USF1: variants seen among roughly 807,000 people sequenced by gnomAD.
USF1 encodes the protein upstream stimulatory factor 1.
In USF1, 22 loss-of-function variants were observed where a neutral mutation model predicts 46.3. The observed-to-expected ratio is 0.47, with a 90% CI of 0.34 to 0.68. The LOEUF (loss-of-function observed/expected upper bound fraction) is 0.68. Ranked by LOEUF, USF1 falls within the 30% of genes least tolerant of loss-of-function variation. The pLI is 0.01. For missense variants in USF1, 287 were observed against 399.3 expected (o/e 0.72, Z 2.40); for synonymous variants, 150 against 147.0 (o/e 1.02, Z -0.15).
chr1:161,042,839 G>C lies in USF1; in HGVS notation c.52C>G (p.Gln18Glu). ...TTCTGTTTCTAGCACTCACCTTCCTGAATCTGCACTGTCCCCTCTTCCGTT... is the reference window on the plus strand; with the variant it reads ...TTCTGTTTCTAGCACTCACCTTCCTCAATCTGCACTGTCCCCTCTTCCGTT... ...AETEEGTVQIQEGAVATGEDP... is the reference protein window; with the variant it reads ...AETEEGTVQIEEGAVATGEDP... The change falls in exon 3 of 11, where the codon CAG becomes GAG. Residue 18 changes from glutamine (Q) to glutamate (E), a missense_variant. Coordinates refer to ENST00000368021, the MANE Select transcript of USF1 (RefSeq NM_007122.5). 1 of 1,614,194 alleles carries C rather than the reference G, an allele frequency of 6.2e-7. No homozygotes were observed. The highest frequency in any genetic ancestry group is 2.2e-5 in the East Asian group (1 of 44,886).
chr1:161,042,881 G>A lies in USF1; in HGVS notation c.10C>T (p.Gln4Ter). The A allele has an allele frequency of 6.2e-7, 1 of 1,614,196 alleles. No individual in the cohort carries two copies. ...TCTTCCGTTTCAGCTGTTTTCTGCT[G>A]CCTGTTTGTGGTGAAAGGACAAAAG... The part of the protein sequence containing the change: MKG[Q>*]QKTAETEEGT... Residue 4 changes from glutamine (Q) to a stop codon, truncating the protein, a stop_gained and splice_region_variant, in exon 3 of 11, where the codon CAG (glutamine) becomes TAG (stop). Transcript: ENST00000368021. LOFTEE classifies it high-confidence loss of function.
intron 6 of USF1, 84 bp from the exon 7 acceptor site, chr1:161,041,495 TA>T: frequency 6.6e-7 from 1 of 1,510,366 alleles, no homozygotes; most frequent in Non-Finnish European, 9.1e-7. Context: ...TCCCCTCCTC[TA>T]AAAAGAACAT....
Position 161,042,136 on chromosome 1 carries a change from C to T in USF1, c.256G>A (p.Ala86Thr), listed in dbSNP as rs1192661764. Reference protein sequence around the residue: ...EGTGAISGYPATQSMTQAVIQ... With the variant: ...EGTGAISGYPTTQSMTQAVIQ... ...TGTACCTGGGTCATGGATTGAGTGG[C>T]AGGGTAGCCACTGATGGCGCCAGTT... is the stretch of plus-strand genomic sequence containing the variant. The change falls in exon 5 of 11, where the codon GCC becomes ACC. Residue 86 changes from alanine (A) to threonine (T), a missense_variant. Coordinates refer to ENST00000368021, the MANE Select transcript of USF1 (RefSeq NM_007122.5). 1.9e-6 allele frequency: 3 copies of T among 1,613,314 alleles called. No homozygotes were observed. The highest frequency in any genetic ancestry group is 2.5e-6 in the Non-Finnish European group (3 of 1,179,734).
intron 1 of USF1, among the ~76,000 whole-genome samples, chr1:161,044,613 C>A (rs1234995617): frequency 6.6e-6 from 1 of 152,104 alleles, no homozygotes; most frequent in Non-Finnish European, 1.5e-5. Context: ...TTCATCAAGC[C>A]TTCCTGCAGA....
chr1:161,043,580 G>A (rs1477516299), intron 1 of USF1, among the ~76,000 whole-genome samples: 1 of 151,416 alleles, frequency 6.6e-6, no homozygotes, highest in Admixed American at 6.6e-5. Flanking sequence ...TCCAACTCCT[G>A]GTGGAGAGTG....
Position 161,040,169 on chromosome 1 carries a change from T to C in USF1, c.843+33A>G, listed in dbSNP as rs1354612168. ...AAACTGGGTCAGTGGCTAGCAGAAC[T>C]GAGAAGGGCTGCACTGGGGGTAGGA... is the stretch of plus-strand genomic sequence containing the variant. On this transcript the variant is annotated intron_variant, in intron 10 of 10. Coordinates refer to ENST00000368021, the MANE Select transcript of USF1 (RefSeq NM_007122.5). The surrounding 1 kb of genome is among the most constrained non-coding windows in gnomAD (Gnocchi z 4.0). The C allele has an allele frequency of 6.2e-6, 10 of 1,612,688 alleles. No homozygotes were observed. In the Admixed American group the frequency reaches 1.7e-4, roughly 27 times the overall value.
In USF1 at chr1:161,041,834, C is replaced by T. The variant is rs368684019; in HGVS notation, c.289G>A (p.Gly97Ser). Residue 97 changes from glycine to serine, a missense_variant, in exon 6 of 11, where the codon GGT becomes AGT. Transcript: ENST00000368021. Reference protein sequence around the residue: ...TQSMTQAVIQGAFTSDDAVDT... With the variant: ...TQSMTQAVIQSAFTSDDAVDT... ...ACTGCATCATCACTGGTGAAAGCAC[C>T]CTGGATCACCGCCTGGGAAGGGGAG... 1.1e-4 allele frequency: 174 copies of T among 1,610,108 alleles called. No homozygotes were observed. Among genetic ancestry groups the T allele is most frequent in the Admixed American group, 3.5e-4 (21 of 59,846 alleles).
Position 161,040,348 on chromosome 1 carries a change from C to T in USF1, c.715-18G>A. On this transcript the variant is annotated intron_variant, in intron 9 of 10. Coordinates refer to ENST00000368021, the MANE Select transcript of USF1 (RefSeq NM_007122.5). The surrounding 1 kb of genome is among the most constrained non-coding windows in gnomAD (Gnocchi z 4.0). Reference sequence around the variant, plus strand: ...CCTTTACTCTGCAAGATAAGGTCAACAAAATGAGAACTAGGATTTCAGATA... The same window carrying T: ...CCTTTACTCTGCAAGATAAGGTCAATAAAATGAGAACTAGGATTTCAGATA... 1 of 1,612,856 alleles carries T rather than the reference C, an allele frequency of 6.2e-7. No individual in the cohort carries two copies. Among genetic ancestry groups the T allele is most frequent in the Non-Finnish European group, 8.5e-7 (1 of 1,179,292 alleles).
chr1:161,041,591 C>G, intron 6 of USF1, 60 bp downstream of exon 6: 1 of 1,559,970 alleles, frequency 6.4e-7, no homozygotes, highest in South Asian at 1.2e-5. Context: ...CACTGCCTAC[C>G]AGTCATGTCC....
intron 3 of USF1, 49 bp from the exon 4 acceptor site, chr1:161,042,719 C>A (rs568694042): frequency 1.9e-6 from 3 of 1,612,056 alleles, no homozygotes; most frequent in African/African-American, 2.7e-5. Flanking sequence ...TGCCTTTCTA[C>A]CCCCGTTCCA....
chr1:161,040,342 G>A lies in USF1; in HGVS notation c.715-12C>T. The A allele has an allele frequency of 6.2e-7, 1 of 1,613,200 alleles. No individual in the cohort carries two copies. The highest frequency in any genetic ancestry group is 8.5e-7 in the Non-Finnish European group (1 of 1,179,524). On this transcript the variant is annotated splice_polypyrimidine_tract_variant and intron_variant, in intron 9 of 10. Coordinates refer to ENST00000368021, the MANE Select transcript of USF1 (RefSeq NM_007122.5). The surrounding 1 kb of genome is among the most constrained non-coding windows in gnomAD (Gnocchi z 4.0). ...ATCCCACCTTTACTCTGCAAGATAA[G>A]GTCAACAAAATGAGAACTAGGATTT...
At chr1:161,041,214 A>C in intron 7 of USF1, 110 bp downstream of exon 7, 1 of 965,910 alleles carries the variant, frequency 1.0e-6, no homozygotes. Context: ...GTGAGCTGAG[A>C]TCATGCCACT....
intron 1 of USF1, among the ~76,000 whole-genome samples, chr1:161,045,647 A>C (rs894723982): frequency 6.6e-6 from 1 of 152,252 alleles, no homozygotes; most frequent in Non-Finnish European, 1.5e-5. Flanking sequence ...TGGACAGCGC[A>C]GGAGGGCTGG....
Position 161,041,946 on chromosome 1 carries a change from G to GGAGAGAGA in USF1, c.277-108_277-101dup, listed in dbSNP as rs144100508. On this transcript the variant is annotated intron_variant, in intron 5 of 10. Transcript: ENST00000368021. ...TATCCGTTGGGGTGGTAGGTAGGGT[G>GGAGAGAGA]GAGAGAGAGAGAGAGAGAGAGAGAA... The GGAGAGAGA allele has an allele frequency of 1.2e-5, 15 of 1,222,306 alleles. No individual in the cohort carries two copies. The African/African-American group carries it at 1.5e-4, about 12-fold the overall frequency. The allele number at this position is 1,222,306 out of a possible 1,614,324, so 75.7% of individuals were successfully genotyped here.
Position 161,042,173 on chromosome 1 carries a change from G to A in USF1, c.219C>T (p.Gly73=). The change falls in exon 5 of 11, where the codon GGC becomes GGT. Residue 73 remains glycine, a synonymous_variant. Coordinates refer to ENST00000368021, the MANE Select transcript of USF1 (RefSeq NM_007122.5). ...VIQVSEGQLD[G]QTEGTGAISG... is the part of the protein sequence containing the mutation. The stretch of plus-strand genomic sequence containing the variant: ...TGATGGCGCCAGTTCCCTCAGTTTG[G>A]CCATCCAGCTGCCCCTCAGACACCT... The A allele has an allele frequency of 1.2e-6, 2 of 1,613,936 alleles. No homozygotes were observed. The highest frequency in any genetic ancestry group is 1.3e-5 in the African/African-American group (1 of 74,982).
Position 161,039,959 on chromosome 1 carries a change from G to T in USF1, c.894C>A (p.His298Gln), listed in dbSNP as rs1188516701. The T allele has an allele frequency of 6.2e-7, 1 of 1,614,184 alleles. No homozygotes were observed. The highest frequency in any genetic ancestry group is 8.5e-7 in the Non-Finnish European group (1 of 1,180,036). ...TCTTGATGACGACCTCTAATCCGTG[G>T]TGCCGCAACTGAGCTCGAAGCAGCA... ...KNLLLRAQLR[H>Q]HGLEVVIKND... The change falls in exon 11 of 11, where the codon CAC becomes CAA. Residue 298 changes from histidine to glutamine, a missense_variant. Transcript: ENST00000368021.
At chr1:161,042,937 T>G in intron 2 of USF1, 55 bp from the exon 3 acceptor site, 1 of 1,611,676 alleles carries the variant, frequency 6.2e-7, no homozygotes, top group Admixed American at 1.7e-5. Flanking sequence ...AATGAGAAGC[T>G]CACTGGCCCA....
In USF1 at chr1:161,040,482, A is replaced by G; in HGVS notation, c.714+94T>C. 6.4e-7 allele frequency: 1 copy of G among 1,559,306 alleles called. No homozygotes were observed. The highest frequency in any genetic ancestry group is 2.3e-5 in the East Asian group (1 of 44,428). On this transcript the variant is annotated intron_variant, in intron 9 of 10. Coordinates refer to ENST00000368021, the MANE Select transcript of USF1 (RefSeq NM_007122.5). This position sits in a 1 kb window ranked among gnomAD's most constrained non-coding sequence, Gnocchi z 4.0. ...AGGAACCTCAGGGAGAGATAAGACT[A>G]CTGTCATGTGTGCCCCTCTCTCTAC...
At chr1:161,045,323 T>G (rs2102016954) in intron 1 of USF1, among the ~76,000 whole-genome samples, 1 of 152,254 alleles carries the variant, frequency 6.6e-6, no homozygotes, top group South Asian at 2.1e-4. Flanking sequence ...GACGTTGTGG[T>G]GTGCACGCTC....
Sources: allele counts gnomAD v4.1 joint callset (sites outside exome capture counted in the v4.1 genomes callset), GRCh38; gene constraint gnomAD v4.1.1; non-coding constraint Gnocchi (gnomAD v3.1); transcripts MANE v1.5; gene names NCBI Gene and HGNC (gene_info 2026-07-23, HGNC 2026-07-21).